TRIM2: variants seen among roughly 807,000 people sequenced by gnomAD.
TRIM2 encodes the protein tripartite motif-containing protein 2.
Under a neutral mutation model 75.2 loss-of-function variants are expected in TRIM2, and 20 were observed. The ratio of observed to expected loss-of-function variants is 0.27; its 90% CI spans 0.19 to 0.39. TRIM2 has a LOEUF of 0.39. Among genes scored for constraint, TRIM2 ranks in the 10% least tolerant of loss-of-function variants. The probability of loss-of-function intolerance (pLI) is 1.00; values close to 1 mark genes in which losing one functional copy is unlikely to be tolerated. For missense variants in TRIM2, 660 were observed against 990.8 expected (o/e 0.67, Z 4.48); for synonymous variants, 373 against 388.3 (o/e 0.96, Z 0.46).
At chr4:153,162,213 G>A (rs1729806352) in intron 1 of TRIM2, among the ~76,000 whole-genome samples, 1 of 152,192 alleles carries the variant, frequency 6.6e-6, no homozygotes, top group South Asian at 2.1e-4. Flanking sequence ...AACAGAACCA[G>A]TGGGAAATAT....
intron 1 of TRIM2, among the ~76,000 whole-genome samples, chr4:153,159,296 CTTTTTT>C (rs11318531): frequency 2.2e-5 from 2 of 89,160 alleles, no homozygotes; most frequent in Non-Finnish European, 4.0e-5. Flanking sequence ...TTTACAAAAT[CTTTTTT>C]TTTTTTTTTT....
intron 8 of TRIM2, among the ~76,000 whole-genome samples, chr4:153,317,039 C>A (rs1176635222): frequency 6.6e-6 from 1 of 151,586 alleles, no homozygotes; most frequent in Non-Finnish European, 1.5e-5. Flanking sequence ...CGCCACCACG[C>A]CCGGCTAACT....
chr4:153,222,686 A>C (rs1740935336), intron 1 of TRIM2: 2 of 152,322 alleles, frequency 1.3e-5, no homozygotes, highest in African/African-American at 4.8e-5. Context: ...GACCGACCAG[A>C]GAGCCATTTG....
At chr4:153,254,556 AG>A (rs1189851853) in intron 1 of TRIM2, among the ~76,000 whole-genome samples, 1 of 152,146 alleles carries the variant, frequency 6.6e-6, no homozygotes, top group East Asian at 1.9e-4. Flanking sequence ...CCAACTCAGA[AG>A]CATAACCAGC....
chr4:153,327,037 G>A (rs1770389659), intron 10 of TRIM2, among the ~76,000 whole-genome samples: 1 of 150,992 alleles, frequency 6.6e-6, no homozygotes, highest in Non-Finnish European at 1.5e-5. Flanking sequence ...GTAGGGCTTA[G>A]TAAGGGAAAA....
upstream of TRIM2, among the ~76,000 whole-genome samples, chr4:153,199,455 T>C (rs1411924607): frequency 6.6e-6 from 1 of 152,256 alleles, no homozygotes; most frequent in Non-Finnish European, 1.5e-5. Context: ...AGGGTAGGAA[T>C]GATATCTATT....
intron 8 of TRIM2, 110 bp downstream of exon 8, chr4:153,316,109 T>G: frequency 9.6e-7 from 1 of 1,039,498 alleles, no homozygotes; most frequent in Non-Finnish European, 1.4e-6. Context: ...CAACAATTCT[T>G]CATACACAAA....
intron 2 of TRIM2, among the ~76,000 whole-genome samples, chr4:153,271,874 T>G (rs1320424416): frequency 6.6e-6 from 1 of 152,192 alleles, no homozygotes; most frequent in African/African-American, 2.4e-5. Flanking sequence ...AGTCTGAACT[T>G]GGCAGAATTG....
intron 1 of TRIM2, among the ~76,000 whole-genome samples, chr4:153,225,970 A>C (rs1742008535): frequency 6.6e-6 from 1 of 152,208 alleles, no homozygotes; most frequent in Admixed American, 6.5e-5. Flanking sequence ...TCCTGGGCTC[A>C]AGCTATTCTC....
upstream of TRIM2, among the ~76,000 whole-genome samples, chr4:153,202,455 G>A (rs2149680761): frequency 6.6e-6 from 1 of 152,284 alleles, no homozygotes; most frequent in Admixed American, 6.5e-5. Flanking sequence ...CCAGCACTTT[G>A]GGAGGCCAAG....
chr4:153,177,324 T>C (rs1731546156), intron 1 of TRIM2, among the ~76,000 whole-genome samples: 1 of 152,152 alleles, frequency 6.6e-6, no homozygotes, highest in South Asian at 2.1e-4. Flanking sequence ...AACCAGGAAA[T>C]GAAGTCTTTA....
chr4:153,328,800 C>A (rs1460438230), intron 11 of TRIM2, 130 bp downstream of exon 11: 2 of 986,868 alleles, frequency 2.0e-6, no homozygotes, highest in East Asian at 3.0e-5. Context: ...GATACTCTCA[C>A]CAGAAGGACC....
At chr4:153,272,272 C>T (rs1430785796) in intron 2 of TRIM2, among the ~76,000 whole-genome samples, 1 of 151,904 alleles carries the variant, frequency 6.6e-6, no homozygotes, top group African/African-American at 2.4e-5. Context: ...CCTCAGCCTC[C>T]TGAGTAGCTA....
At chr4:153,221,789 A>AAAGAAGAAC in intron 1 of TRIM2, among the ~76,000 whole-genome samples, 1 of 70,516 alleles carries the variant, frequency 1.4e-5, no homozygotes, top group South Asian at 4.4e-4. Flanking sequence ...GAAGAAAAGG[A>AAAGAAGAAC]AGGAAAGAGC....
At chr4:153,294,632 T>A in intron 5 of TRIM2, 147 bp downstream of exon 5, 1 of 901,972 alleles carries the variant, frequency 1.1e-6, no homozygotes, top group Non-Finnish European at 1.6e-6. Context: ...ATCCAGCTAT[T>A]TTTTCCCCTA....
intron 1 of TRIM2, among the ~76,000 whole-genome samples, chr4:153,259,119 A>C (rs1276986881): frequency 6.6e-6 from 1 of 152,222 alleles, no homozygotes; most frequent in Non-Finnish European, 1.5e-5. Context: ...ATTTTCTCTG[A>C]TAGAACGTGC....
Position 153,315,554 on chromosome 4 carries a change from T to C in TRIM2, c.1580T>C (p.Ile527Thr). Residue 527 changes from isoleucine (I) to threonine (T), a missense_variant, in exon 7 of 12, where the codon ATA (isoleucine) becomes ACA (threonine). Around this residue, in one of 2 missense-constraint regions of TRIM2, gnomAD observed 620 missense variants for 891.0 expected, o/e 0.70. Transcript: ENST00000338700. ...GTAGCTGCATCTACAAATGGAAAGA[T>C]ATTAATTGCAGACAGTAACAACCAA... ...QGVAASTNGK[I>T]LIADSNNQCV... 6.2e-7 allele frequency: 1 copy of C among 1,611,808 alleles called. No individual in the cohort carries two copies. The highest frequency in any genetic ancestry group is 8.5e-7 in the Non-Finnish European group (1 of 1,179,458).
chr4:153,315,799 T>C (rs774751489), intron 7 of TRIM2, 33 bp from the exon 8 acceptor site: 32 of 1,610,808 alleles, frequency 2.0e-5, no homozygotes, highest in Non-Finnish European at 2.6e-5. Flanking sequence ...CCTGTACTAG[T>C]TCACATTCCA....
Position 153,337,272 on chromosome 4 carries a change from T to G in TRIM2, c.*2306T>G, listed in dbSNP as rs1368808631. The G allele has an allele frequency of 1.0e-6, 1 of 985,586 alleles. No individual in the cohort carries two copies. Among genetic ancestry groups the G allele is most frequent in the African/African-American group, 1.7e-5 (1 of 57,226 alleles). 61.1% of individuals were successfully genotyped at this position (985,586 alleles called of 1,614,324 possible). A position where few individuals can be genotyped will look rare whatever the true frequency, so the allele number is the denominator to read the frequency against. ...TCTTAAAACTAGTTGATTTAAAGAG[T>G]TTTTTTGCACAACATTTCAATTATA... is the stretch of plus-strand genomic sequence containing the variant. On this transcript the variant is annotated 3_prime_UTR_variant, in exon 12 of 12. Transcript: ENST00000338700.
Sources: allele counts gnomAD v4.1 joint callset (sites outside exome capture counted in the v4.1 genomes callset), GRCh38; gene constraint gnomAD v4.1.1; regional missense constraint gnomAD v4.1.1; transcripts MANE v1.5; gene names NCBI Gene and HGNC (gene_info 2026-07-23, HGNC 2026-07-21).